URB1: variants seen among roughly 807,000 people sequenced by gnomAD.
URB1 encodes the protein URB1 ribosome biogenesis factor, also known as nucleolar pre-ribosomal-associated protein 1.
In URB1, 197 loss-of-function variants were observed where a neutral mutation model predicts 242.3. The observed-to-expected ratio is 0.81, with a 90% CI of 0.72 to 0.91. The LOEUF (loss-of-function observed/expected upper bound fraction) is 0.91, where lower values mean the gene tolerates loss of function less well. Ranked by LOEUF, URB1 falls within the 40% of genes least tolerant of loss-of-function variation. URB1 has a pLI of 0.00. For synonymous variants in URB1, 1,153 were observed against 1,201.8 expected, an observed-to-expected ratio of 0.96 and a Z score of 0.84; for missense variants, 2,721 against 2,860.5, an observed-to-expected ratio of 0.95 and a Z score of 1.11.
intron 3 of URB1, among the ~76,000 whole-genome samples, chr21:32,384,112 A>G (rs1439948890): frequency 1.3e-5 from 2 of 152,220 alleles, no homozygotes; most frequent in Admixed American, 6.5e-5. Context: ...GACAAGAGGG[A>G]CAAGGGGTAA....
intron 30 of URB1, among the ~76,000 whole-genome samples, chr21:32,329,931 C>T (rs889502747): frequency 5.3e-5 from 8 of 152,294 alleles, no homozygotes; most frequent in Admixed American, 4.6e-4. Context: ...AGTTCAAATA[C>T]AGGATGCTGG....
chr21:32,361,033 T>C lies in URB1; in HGVS notation c.1730A>G (p.Asn577Ser), dbSNP rs1324306007. The change falls in exon 13 of 39, where the codon AAC (asparagine) becomes AGC (serine). Residue 577 changes from asparagine to serine, a missense_variant. Coordinates refer to ENST00000382751, the MANE Select transcript of URB1 (RefSeq NM_014825.3). Reference protein sequence around the residue: ...KVVPHVVMQYNFDFSKLLKGV... With the variant: ...KVVPHVVMQYSFDFSKLLKGV... ...TTTCAGGAGCTTGCTGAAGTCAAAG[T>C]TGTACTGCATGACCACGTGGGGGAC... 6.4e-7 allele frequency: 1 copy of C among 1,550,430 alleles called. No homozygotes were observed. Among genetic ancestry groups the C allele is most frequent in the Non-Finnish European group, 8.7e-7 (1 of 1,146,690 alleles).
intron 1 of URB1, among the ~76,000 whole-genome samples, chr21:32,386,650 T>C (rs2033586583): frequency 6.6e-6 from 1 of 152,188 alleles, no homozygotes; most frequent in African/African-American, 2.4e-5. Flanking sequence ...CATAGAGCTT[T>C]TGTTCCCTCA....
At chr21:32,389,828 G>A (rs1228920074) in intron 1 of URB1, among the ~76,000 whole-genome samples, 1 of 152,146 alleles carries the variant, frequency 6.6e-6, no homozygotes, top group Non-Finnish European at 1.5e-5. Context: ...TTCTTGATGG[G>A]GGATCTTCCC....
intron 30 of URB1, among the ~76,000 whole-genome samples, chr21:32,330,205 T>C (rs1014994037): frequency 6.7e-6 from 1 of 150,050 alleles, no homozygotes; most frequent in Non-Finnish European, 1.5e-5. Context: ...GTGTTTTTTT[T>C]TTTTTTTTTT....
In URB1 at chr21:32,353,276, C is replaced by T. The variant is rs56360933; in HGVS notation, c.2417-370G>A. On this transcript the variant is annotated intron_variant, in intron 18 of 38. Coordinates refer to ENST00000382751, the MANE Select transcript of URB1 (RefSeq NM_014825.3). ...GGACCACATGCCTGGTTAGTCACTT[C>T]CAGGCCATAACACCCCTTGCTTGAC... 2.1e-3 allele frequency among the ~76,000 whole-genome samples: 314 copies of T among 152,268 alleles called. 2 individuals are homozygous for T. Among genetic ancestry groups the T allele is most frequent in the African/African-American group, 7.2e-3 (299 of 41,550 alleles).
chr21:32,387,693 CAAACTTTAAGA>C (rs2033598681), intron 1 of URB1, among the ~76,000 whole-genome samples: 1 of 151,374 alleles, frequency 6.6e-6, no homozygotes, highest in Non-Finnish European at 1.5e-5. Flanking sequence ...TAAAATGCCA[CAAACTTTAAGA>C]AATACACTAC....
intron 20 of URB1, among the ~76,000 whole-genome samples, chr21:32,350,142 G>C (rs370082744): frequency 4.3e-4 from 64 of 149,808 alleles, no homozygotes; most frequent in African/African-American, 1.5e-3. Flanking sequence ...AAAAAAAAGA[G>C]GGAGGGAGGG....
chr21:32,314,609 T>C lies in URB1; in HGVS notation c.*309A>G. On this transcript the variant is annotated 3_prime_UTR_variant, in exon 39 of 39. Transcript: ENST00000382751. ...AGTGCTGCCTCAAACTCGAGCTATT[T>C]CCTGTGATGAGCTCCAAGCCCCTAG... The C allele has an allele frequency of 6.2e-7, 1 of 1,614,228 alleles. No homozygotes were observed. Among genetic ancestry groups the C allele is most frequent in the South Asian group, 1.1e-5 (1 of 91,084 alleles).
In URB1 at chr21:32,384,181, G is replaced by A. The variant is rs915627299; in HGVS notation, c.434+132C>T. 4.4e-5 allele frequency: 51 copies of A among 1,146,300 alleles called. No individual in the cohort carries two copies. In the Middle Eastern group the frequency reaches 8.9e-4, roughly 20 times the overall value. 71.0% of individuals were successfully genotyped at this position (1,146,300 alleles called of 1,614,324 possible). On this transcript the variant is annotated intron_variant, in intron 3 of 38. Transcript: ENST00000382751. ...CCACAAAGGAAGGGGGCAGAGACTC[G>A]GTCACTGTGGCCTCGGAAATAGCTC...
chr21:32,350,901 G>A lies in URB1; in HGVS notation c.2635C>T (p.Pro879Ser). 1 of 1,547,980 alleles carries A rather than the reference G, an allele frequency of 6.5e-7. No homozygotes were observed. Residue 879 changes from proline (P) to serine (S), a missense_variant, in exon 20 of 39, where the codon CCC becomes TCC. Coordinates refer to ENST00000382751, the MANE Select transcript of URB1 (RefSeq NM_014825.3). ...EAWLLQAQGS[P>S]SPPALPLASS... Reference sequence around the variant, plus strand: ...GCCAAGGGAAGGGCAGGGGGCGAGGGGCTGCCCTGTGCCTGCAGCAGCTGA... The same window carrying A: ...GCCAAGGGAAGGGCAGGGGGCGAGGAGCTGCCCTGTGCCTGCAGCAGCTGA...
At chr21:32,366,556 T>A in intron 10 of URB1, 62 bp downstream of exon 10, 2 of 1,543,340 alleles carry the variant, frequency 1.3e-6, no homozygotes, top group Non-Finnish European at 1.8e-6. Flanking sequence ...AATAATCACA[T>A]CATGTAGCCA....
At position 32,344,570 on chromosome 21, in the gene URB1, C is replaced by T; in HGVS notation, c.4257G>A (p.Leu1419=). The T allele has an allele frequency of 4.5e-6, 7 of 1,551,780 alleles. No individual in the cohort carries two copies. Among genetic ancestry groups the T allele is most frequent in the Non-Finnish European group, 5.2e-6 (6 of 1,146,918 alleles). The change falls in exon 24 of 39, where the codon TTG becomes TTA. Residue 1419 remains leucine (L), a splice_region_variant and synonymous_variant. Coordinates refer to ENST00000382751, the MANE Select transcript of URB1 (RefSeq NM_014825.3). ...KEMLLRLNAL[L]HALNEVDPGD... ...TGGATCTCTAAGAAAAGACACTTACCAACAACGCATTTAATCTAAGCAGCA... is the reference window on the plus strand; with the variant it reads ...TGGATCTCTAAGAAAAGACACTTACTAACAACGCATTTAATCTAAGCAGCA...
rs549153055 is a variant in URB1 at position 32,333,342 on chromosome 21, C to G, written c.4935G>C (p.Gln1645His). 23 of 1,551,858 alleles carry G rather than the reference C, an allele frequency of 1.5e-5. No homozygotes were observed. The South Asian group carries it at 2.7e-4, about 18-fold the overall frequency. Residue 1645 changes from glutamine to histidine, a missense_variant, in exon 30 of 39, where the codon CAG becomes CAC. Coordinates refer to ENST00000382751, the MANE Select transcript of URB1 (RefSeq NM_014825.3). ...CTGGCCTGGTCAGCTCACTGAAGAGCTGAAGGAGAAAGCAGGGGTCATAGA... is the reference window on the plus strand; with the variant it reads ...CTGGCCTGGTCAGCTCACTGAAGAGGTGAAGGAGAAAGCAGGGGTCATAGA... ...DGLYDPCFLL[Q>H]LFSELTRPEF...
chr21:32,381,137 A>G (rs1291074814), intron 4 of URB1, among the ~76,000 whole-genome samples: 3 of 152,098 alleles, frequency 2.0e-5, no homozygotes, highest in African/African-American at 7.2e-5. Flanking sequence ...CTCTGTTTCC[A>G]GTCCTCTCCA....
At chr21:32,319,014 T>C (rs111652754) in intron 36 of URB1, among the ~76,000 whole-genome samples, 362 of 152,242 alleles carry the variant, frequency 2.4e-3, no homozygotes, top group African/African-American at 8.0e-3. Context: ...CTTTATAAAA[T>C]TGAAGGGCAA....
chr21:32,331,293 C>T (rs529715963), intron 30 of URB1, among the ~76,000 whole-genome samples: 9 of 152,328 alleles, frequency 5.9e-5, no homozygotes, highest in African/African-American at 2.2e-4. Context: ...GCAGGAAGTG[C>T]ATTTTCCCTG....
intron 8 of URB1, among the ~76,000 whole-genome samples, chr21:32,371,824 A>G (rs1190093665): frequency 6.6e-6 from 1 of 152,218 alleles, no homozygotes; most frequent in Admixed American, 6.5e-5. Context: ...GTTATTAAAA[A>G]AAAAAATCAC....
At chr21:32,377,110 T>C (rs1286559379) in intron 5 of URB1, 1 of 498,032 alleles carries the variant, frequency 2.0e-6, no homozygotes, top group Admixed American at 2.2e-5. Context: ...TCTTTAATTA[T>C]TTCACTGGGA....
Sources: gnomAD v4.1 joint callset for allele counts (sites outside exome capture counted in the v4.1 genomes callset) on GRCh38, gnomAD v4.1.1 for gene constraint, MANE v1.5 for transcripts, NCBI Gene and HGNC (gene_info 2026-07-23, HGNC 2026-07-21) for gene names.